ZZEF1: variants seen among roughly 807,000 people sequenced by gnomAD.
ZZEF1 encodes the protein zinc finger ZZ-type and EF-hand domain-containing protein 1.
ZZEF1 carries 157 observed loss-of-function variants against 342.8 expected under a neutral mutation model. The observed-to-expected ratio is 0.46, with a 90% CI of 0.40 to 0.52. ZZEF1 has a LOEUF of 0.52. Among genes scored for constraint, ZZEF1 ranks in the 20% least tolerant of loss-of-function variants. The probability of loss-of-function intolerance (pLI) is 0.00; values close to 1 mark genes in which losing one functional copy is unlikely to be tolerated. For missense variants in ZZEF1, 3,480 were observed against 3,725.6 expected, an observed-to-expected ratio of 0.93 and a Z score of 1.72; for synonymous variants, 1,505 against 1,429.1, an observed-to-expected ratio of 1.05 and a Z score of -1.20.
At position 4,112,742 on chromosome 17, in the gene ZZEF1, G is replaced by A; in HGVS notation, c.933C>T (p.Ser311=). The change falls in exon 5 of 55, where the codon AGC becomes AGT. Residue 311 remains serine (S), a synonymous_variant. Transcript: ENST00000381638. ...CTACTGTCACCTGCTGTGGCATGTA[G>A]CTCTGGTCAGTGGCAGCCACTGCAA... The part of the protein sequence containing the change: ...LSIAVAATDQ[S]YMPQQVTVAV... The A allele has an allele frequency of 1.2e-6, 2 of 1,612,800 alleles. No individual in the cohort carries two copies. Among genetic ancestry groups the A allele is most frequent in the Non-Finnish European group, 1.7e-6 (2 of 1,178,906 alleles).
At chr17:4,084,897 G>A (rs781202247) in intron 16 of ZZEF1, among the ~76,000 whole-genome samples, 1 of 152,206 alleles carries the variant, frequency 6.6e-6, no homozygotes, top group Non-Finnish European at 1.5e-5. Context: ...CCAATCACTT[G>A]AGCCTTGGGC....
chr17:4,117,225 C>T, intron 2 of ZZEF1, 59 bp from the exon 3 acceptor site: 2 of 1,406,472 alleles, frequency 1.4e-6, no homozygotes, highest in Middle Eastern at 2.3e-4. Context: ...TTCCACATCC[C>T]CTGCCTGGTG....
At chr17:4,057,277 C>T (rs927492422) in intron 32 of ZZEF1, among the ~76,000 whole-genome samples, 1 of 152,220 alleles carries the variant, frequency 6.6e-6, no homozygotes, top group Admixed American at 6.5e-5. Context: ...AACAGCGAGG[C>T]GACAGCTGAG....
rs1285137543 is a variant in ZZEF1 at position 4,080,332 on chromosome 17, T to G, written c.2829+1044A>C. ...CTAAGAAATCTGAATTTTTTTTTTG[T>G]TTTTTGTTTGTTTGTTTGTTTGTTT... On this transcript the variant is annotated intron_variant, in intron 18 of 54. Transcript: ENST00000381638. Among the ~76,000 whole-genome samples the G allele has an allele frequency of 9.1e-5, 4 of 43,990 alleles. No homozygotes were observed. The Admixed American group carries it at 9.4e-4, about 10-fold the overall frequency. The allele number at this position is 43,990 out of a possible 152,430, so 28.9% of individuals were successfully genotyped here.
chr17:4,022,001 A>G (rs2056284231), intron 44 of ZZEF1, among the ~76,000 whole-genome samples: 1 of 152,136 alleles, frequency 6.6e-6, no homozygotes, highest in African/African-American at 2.4e-5. Flanking sequence ...AATTTAAAAT[A>G]TTCTCTAAGA....
chr17:4,051,025 G>A lies in ZZEF1; in HGVS notation c.5619C>T (p.Ser1873=), dbSNP rs748163968. 4 of 1,614,208 alleles carry A rather than the reference G, an allele frequency of 2.5e-6. No homozygotes were observed. Among genetic ancestry groups the A allele is most frequent in the Admixed American group, 1.7e-5 (1 of 60,030 alleles). The part of the protein sequence containing the change: ...KYSYGHLPTH[S]ITAHPMVTIR... ...TGGTTACCATTGGGTGGGCCGTGATGCTGTGGGTAGGCAAATGGCTGCAAA... is the reference window on the plus strand; with the variant it reads ...TGGTTACCATTGGGTGGGCCGTGATACTGTGGGTAGGCAAATGGCTGCAAA... The change falls in exon 36 of 55, where the codon AGC becomes AGT. Residue 1873 remains serine, a synonymous_variant. Coordinates refer to ENST00000381638, the MANE Select transcript of ZZEF1 (RefSeq NM_015113.4).
chr17:4,100,246 C>T (rs894123080), intron 9 of ZZEF1, among the ~76,000 whole-genome samples: 1 of 152,124 alleles, frequency 6.6e-6, no homozygotes, highest in African/African-American at 2.4e-5. Flanking sequence ...TTGTCTTGTC[C>T]CTTAAGGGTT....
intron 52 of ZZEF1, among the ~76,000 whole-genome samples, chr17:4,013,136 A>G (rs994573559): frequency 1.3e-5 from 2 of 151,978 alleles, no homozygotes; most frequent in Admixed American, 1.3e-4. Flanking sequence ...ATCCGAATGG[A>G]ACAAAACTGA....
intron 16 of ZZEF1, among the ~76,000 whole-genome samples, chr17:4,085,302 T>C (rs1319757564): frequency 6.6e-6 from 1 of 152,088 alleles, no homozygotes; most frequent in Non-Finnish European, 1.5e-5. Flanking sequence ...AGGTGACAGG[T>C]ACATTTGGGG....
chr17:4,104,608 C>T (rs1388954048), intron 8 of ZZEF1, 25 bp downstream of exon 8: 8 of 1,609,808 alleles, frequency 5.0e-6, no homozygotes, highest in Non-Finnish European at 6.8e-6. Flanking sequence ...ACATTTCTAT[C>T]ACCCCCATGT....
chr17:4,105,645 G>T lies in ZZEF1; in HGVS notation c.1394+48C>A, dbSNP rs200471611. 2.2e-5 allele frequency: 29 copies of T among 1,328,508 alleles called. No individual in the cohort carries two copies. The African/African-American group carries it at 2.9e-4, about 13-fold the overall frequency. 82.3% of individuals were successfully genotyped at this position (1,328,508 alleles called of 1,614,324 possible). On this transcript the variant is annotated intron_variant, in intron 7 of 54. Transcript: ENST00000381638. ...TTTTTTAAAGACTTAACAAGCATAC[G>T]TGCACTCCATTCCTCACAGAGTTTA... is the stretch of plus-strand genomic sequence containing the variant.
At position 4,032,925 on chromosome 17, in the gene ZZEF1, A is replaced by G; in HGVS notation, c.6662T>C (p.Val2221Ala). 3 of 1,613,138 alleles carry G rather than the reference A, an allele frequency of 1.9e-6. No individual in the cohort carries two copies. The highest frequency in any genetic ancestry group is 2.5e-6 in the Non-Finnish European group (3 of 1,179,578). The stretch of plus-strand genomic sequence containing the variant: ...GCAGTGGTCTGTGAAGGTGGCAATG[A>G]CATCACGCCACAGTGGGGCACTGTT... ...SLNSAPLWRD[V>A]IATFTDHCIK... The change falls in exon 41 of 55, where the codon GTC becomes GCC. Residue 2221 changes from valine to alanine, a missense_variant. Coordinates refer to ENST00000381638, the MANE Select transcript of ZZEF1 (RefSeq NM_015113.4).
chr17:4,012,975 T>C (rs2056003158), intron 52 of ZZEF1, among the ~76,000 whole-genome samples: 6 of 151,862 alleles, frequency 4.0e-5, no homozygotes, highest in Admixed American at 3.3e-4. Flanking sequence ...TAGAGGAATA[T>C]ATAATGGCCG....
chr17:4,025,663 CAG>C (rs980569310), intron 42 of ZZEF1, among the ~76,000 whole-genome samples: 1 of 144,230 alleles, frequency 6.9e-6, no homozygotes, highest in African/African-American at 2.7e-5. Flanking sequence ...GCCTGGGTGA[CAG>C]AGTCAGACTC....
At chr17:4,077,861 T>C (rs576694641) in intron 19 of ZZEF1, 22 bp downstream of exon 19, 14 of 1,610,484 alleles carry the variant, frequency 8.7e-6, no homozygotes, top group Middle Eastern at 1.7e-4. Context: ...TCTGTTTTCA[T>C]GGATTTTATA....
rs757647273 is a variant in ZZEF1 at position 4,056,390 on chromosome 17, A to C, written c.5166-45T>G. The C allele has an allele frequency of 3.9e-6, 6 of 1,528,270 alleles. No individual in the cohort carries two copies. The East Asian group carries it at 1.4e-4, about 37-fold the overall frequency. The allele number at this position is 1,528,270 out of a possible 1,614,324, so 94.7% of individuals were successfully genotyped here. A position where few individuals can be genotyped will look rare whatever the true frequency, so the allele number is the denominator to read the frequency against. ...AGAGAAAAGCATGCCTCTCCCAATCACCAAGGAAAGTACTGGTTAGCAGAC... is the reference window on the plus strand; with the variant it reads ...AGAGAAAAGCATGCCTCTCCCAATCCCCAAGGAAAGTACTGGTTAGCAGAC... On this transcript the variant is annotated intron_variant, in intron 32 of 54. Coordinates refer to ENST00000381638, the MANE Select transcript of ZZEF1 (RefSeq NM_015113.4).
intron 39 of ZZEF1, among the ~76,000 whole-genome samples, chr17:4,038,969 C>A (rs191175724): frequency 1.3e-3 from 202 of 152,074 alleles, no homozygotes; most frequent in Non-Finnish European, 2.5e-3. Flanking sequence ...TTTATATATT[C>A]CTTATAGGAC....
At chr17:4,072,858 T>A in intron 24 of ZZEF1, 102 bp from the exon 25 acceptor site, 1 of 1,234,362 alleles carries the variant, frequency 8.1e-7, no homozygotes, top group Non-Finnish European at 1.1e-6. Context: ...TGGATACTAT[T>A]AAAACTTAGA....
intron 29 of ZZEF1, 60 bp downstream of exon 29, chr17:4,064,301 C>T: frequency 7.4e-6 from 10 of 1,343,732 alleles, no homozygotes; most frequent in Non-Finnish European, 1.0e-5. Flanking sequence ...AAGCCTCTGA[C>T]TAGACTGGGT....
Sources: allele counts gnomAD v4.1 joint callset (sites outside exome capture counted in the v4.1 genomes callset), GRCh38; gene constraint gnomAD v4.1.1; transcripts MANE v1.5; gene names NCBI Gene and HGNC (gene_info 2026-07-23, HGNC 2026-07-21).